HNF4G: variants seen among roughly 807,000 people sequenced by gnomAD.
HNF4G encodes hepatocyte nuclear factor 4 gamma.
HNF4G carries 21 observed loss-of-function variants against 50.9 expected under a neutral mutation model. That is an observed-to-expected ratio of 0.41 (90% confidence interval 0.29 to 0.59). The LOEUF is 0.59. Among genes scored for constraint, HNF4G ranks in the 20% least tolerant of loss-of-function variants. HNF4G has a pLI of 0.26. For synonymous variants in HNF4G, 198 were observed against 185.6 expected (o/e 1.07, Z -0.54); for missense variants, 527 against 559.4 (o/e 0.94, Z 0.58).
At chr8:75,434,049 G>C (rs1455710635) in intron 1 of HNF4G, among the ~76,000 whole-genome samples, 3 of 148,582 alleles carry the variant, frequency 2.0e-5, no homozygotes, top group Non-Finnish European at 4.4e-5. Context: ...CTGCCGCCAG[G>C]CTAGAGTGCA....
chr8:75,531,437 T>C (rs1806323569), intron 2 of HNF4G, among the ~76,000 whole-genome samples: 1 of 152,192 alleles, frequency 6.6e-6, no homozygotes, highest in South Asian at 2.1e-4. Flanking sequence ...ATATAGAGGT[T>C]AAAGGACTTT....
chr8:75,443,166 T>C lies in HNF4G; in HGVS notation c.-144+35004T>C, dbSNP rs73343029. ...ACAGGAGAAGCAGCCATTATGAACC[T>C]AGACTGGGCCTTCACCAGACACCAA... On this transcript the variant is annotated intron_variant, in intron 1 of 10. Coordinates refer to the HNF4G transcript ENST00000354370. Among the ~76,000 whole-genome samples, 1,157 of 152,262 alleles carry C rather than the reference T, an allele frequency of 7.6e-3. 18 individuals are homozygous for C. The highest frequency in any genetic ancestry group is 0.026 in the African/African-American group (1,089 of 41,554).
chr8:75,450,003 A>G (rs1211803608), intron 1 of HNF4G, among the ~76,000 whole-genome samples: 2 of 151,970 alleles, frequency 1.3e-5, no homozygotes, highest in Non-Finnish European at 1.5e-5. Flanking sequence ...TATCTCCCCA[A>G]TCCTTTTATT....
chr8:75,444,881 G>T (rs1205897015), intron 1 of HNF4G, among the ~76,000 whole-genome samples: 10 of 109,486 alleles, frequency 9.1e-5, no homozygotes, highest in Non-Finnish European at 1.7e-4. Context: ...GAGACAGAAA[G>T]TCAACAAGGA....
chr8:75,522,668 C>T (rs1184888479), intron 2 of HNF4G, among the ~76,000 whole-genome samples: 1 of 152,142 alleles, frequency 6.6e-6, no homozygotes, highest in East Asian at 1.9e-4. Context: ...CCTCAGTTAT[C>T]ACAGCCAAAA....
At chr8:75,517,865 C>T (rs1805934636) in intron 2 of HNF4G, among the ~76,000 whole-genome samples, 1 of 152,148 alleles carries the variant, frequency 6.6e-6, no homozygotes, top group African/African-American at 2.4e-5. Flanking sequence ...TCTCCTTCCA[C>T]ACTACCTTAG....
At chr8:75,563,917 A>C in intron 9 of HNF4G, 58 bp from the exon 10 acceptor site, 2 of 1,594,680 alleles carry the variant, frequency 1.3e-6, no homozygotes, top group South Asian at 2.2e-5. Flanking sequence ...TGTAGGGTTT[A>C]ATGGGGTGAG....
intron 3 of HNF4G, among the ~76,000 whole-genome samples, chr8:75,549,549 CTTTTTTT>C (rs1043888492): frequency 7.6e-6 from 1 of 131,544 alleles, no homozygotes; most frequent in African/African-American, 2.8e-5. Flanking sequence ...CTCACTCTTT[CTTTTTTT>C]TTTTTTTCAC....
At chr8:75,444,676 C>G (rs1364684216) in intron 1 of HNF4G, among the ~76,000 whole-genome samples, 2 of 115,336 alleles carry the variant, frequency 1.7e-5, no homozygotes, top group Non-Finnish European at 3.5e-5. Context: ...TCAAAAGAGA[C>G]AAAGAAGGCC....
intron 8 of HNF4G, among the ~76,000 whole-genome samples, chr8:75,560,041 A>C (rs2130816633): frequency 6.6e-6 from 1 of 152,274 alleles, no homozygotes; most frequent in Admixed American, 6.5e-5. Context: ...TATAAACTTG[A>C]GGTAAGTGAT....
At chr8:75,491,011 A>G (rs931711018) in intron 2 of HNF4G, among the ~76,000 whole-genome samples, 1 of 152,056 alleles carries the variant, frequency 6.6e-6, no homozygotes, top group African/African-American at 2.4e-5. Flanking sequence ...CCAAGAAGCT[A>G]CTCCTCTCAT....
In HNF4G at chr8:75,553,175, G is replaced by C. The variant is rs549886150; in HGVS notation, c.623G>C (p.Cys208Ser). 1.5e-5 allele frequency: 24 copies of C among 1,612,650 alleles called. No homozygotes were observed. In the South Asian group the frequency reaches 2.4e-4, roughly 16 times the overall value. The change falls in exon 5 of 10, where the codon TGT (cysteine) becomes TCT (serine). Residue 208 changes from cysteine to serine, a missense_variant. Physicochemically the swap from Cys to Ser is moderately radical, Grantham distance 112. Coordinates refer to ENST00000396423, the MANE Select transcript of HNF4G (RefSeq NM_004133.5). Reference protein sequence around the residue: ...VEWAKYIPAFCELPLDDQVAL... With the variant: ...VEWAKYIPAFSELPLDDQVAL... ...TGGGCTAAATATATTCCTGCCTTCT[G>C]TGAATTACCATTGGATGATCAGGTA... is the stretch of plus-strand genomic sequence containing the variant.
rs552512348 is a variant in HNF4G, at chr8:75,463,916, A to T, written c.-143-26173A>T. On this transcript the variant is annotated intron_variant, in intron 1 of 10. Coordinates refer to the HNF4G transcript ENST00000354370. The stretch of plus-strand genomic sequence containing the variant: ...CAGCCTCCCGAGTAGCTGGGATTAC[A>T]GGCATGTGCCATCATGCCCAGCTAA... 2.0e-5 allele frequency among the ~76,000 whole-genome samples: 3 copies of T among 152,052 alleles called. No homozygotes were observed. In the East Asian group the frequency reaches 5.8e-4, roughly 30 times the overall value.
Position 75,504,444 on chromosome 8 carries a change from T to TA in HNF4G, c.-24+14237dup, listed in dbSNP as rs1471142020. Among the ~76,000 whole-genome samples the TA allele has an allele frequency of 2.0e-5, 3 of 152,288 alleles. No individual in the cohort carries two copies. In the East Asian group the frequency reaches 5.8e-4, roughly 29 times the overall value. On this transcript the variant is annotated intron_variant, in intron 2 of 10. Coordinates refer to the HNF4G transcript ENST00000354370. Reference sequence around the variant, plus strand: ...AAACTGGGATTACTAGGTCAAAAGTTACAAGCATTTTAATAACTCTTGATA... The same window carrying TA: ...AAACTGGGATTACTAGGTCAAAAGTTAACAAGCATTTTAATAACTCTTGATA...
At chr8:75,481,530 A>AG (rs1812378549) in intron 1 of HNF4G, among the ~76,000 whole-genome samples, 1 of 152,112 alleles carries the variant, frequency 6.6e-6, no homozygotes, top group South Asian at 2.1e-4. Context: ...TTGTTCTGTT[A>AG]GGGTTGCTAT....
intron 3 of HNF4G, among the ~76,000 whole-genome samples, chr8:75,548,810 A>G (rs1404504830): frequency 1.3e-5 from 2 of 152,222 alleles, no homozygotes; most frequent in Non-Finnish European, 2.9e-5. Flanking sequence ...TCTTTAACAT[A>G]GTTAGATTTT....
intron 1 of HNF4G, among the ~76,000 whole-genome samples, chr8:75,429,190 A>T (rs1182639631): frequency 6.6e-6 from 1 of 152,206 alleles, no homozygotes; most frequent in Non-Finnish European, 1.5e-5. Context: ...ACCAAAGGTT[A>T]AATGGACACT....
chr8:75,505,135 T>G (rs1172410341), intron 2 of HNF4G, among the ~76,000 whole-genome samples: 1 of 152,180 alleles, frequency 6.6e-6, no homozygotes, highest in Non-Finnish European at 1.5e-5. Context: ...CATGCCAACC[T>G]TTTCTGAAAA....
intron 1 of HNF4G, among the ~76,000 whole-genome samples, chr8:75,447,432 G>T (rs1811448626): frequency 7.4e-6 from 1 of 135,208 alleles, no homozygotes; most frequent in South Asian, 2.6e-4. Flanking sequence ...ATTGACAAAT[G>T]GGATCTAATT....
Sources: gnomAD v4.1 joint callset for allele counts (sites outside exome capture counted in the v4.1 genomes callset) on GRCh38, gnomAD v4.1.1 for gene constraint, MANE v1.5 for transcripts, NCBI Gene and HGNC (gene_info 2026-07-23, HGNC 2026-07-21) for gene names.